Variants in ASGR2 observed in about 807,000 individuals in gnomAD.
The protein encoded by ASGR2 is C-type lectin domain family 4 member H2.
ASGR2 carries 34 observed loss-of-function variants against 32.3 expected under a neutral mutation model. The ratio of observed to expected loss-of-function variants is 1.05; its 90% confidence interval spans 0.80 to 1.40. The LOEUF (loss-of-function observed/expected upper bound fraction) is 1.40. Ranked by LOEUF, ASGR2 falls within the 40% of genes most tolerant of loss-of-function variation. The pLI, the probability that ASGR2 is intolerant of heterozygous loss-of-function variation, is 0.00. For synonymous variants in ASGR2, 143 were observed against 150.0 expected, an observed-to-expected ratio of 0.95 and a Z score of 0.34; for missense variants, 385 against 386.4, an observed-to-expected ratio of 1.00 and a Z score of 0.03.
intron 7 of ASGR2, among the ~76,000 whole-genome samples, chr17:7,102,434 C>T (rs905767932): frequency 1.3e-5 from 2 of 152,178 alleles, no homozygotes; most frequent in Non-Finnish European, 2.9e-5. Flanking sequence ...TCATTTAATC[C>T]TCAGAAGCTC....
chr17:7,101,371 G>C lies in ASGR2; in HGVS notation c.*204C>G. ...TTCCTACGCCATTGAAGAGGCTGAC[G>C]ATTATAATAATTACAATGAATTACA... On this transcript the variant is annotated 3_prime_UTR_variant, in exon 9 of 9. Coordinates refer to ENST00000691900, the MANE Select transcript of ASGR2 (RefSeq NM_001201352.2). 2 of 599,614 alleles carry C rather than the reference G, an allele frequency of 3.3e-6. No homozygotes were observed. Among genetic ancestry groups the C allele is most frequent in the East Asian group, 5.8e-5 (2 of 34,630 alleles). The allele number at this position is 599,614 out of a possible 1,614,324, so 37.1% of individuals were successfully genotyped here. A position where few individuals can be genotyped will look rare whatever the true frequency, so the allele number is the denominator to read the frequency against.
intron 2 of ASGR2, among the ~76,000 whole-genome samples, chr17:7,110,043 C>T (rs551363923): frequency 1.6e-4 from 24 of 152,240 alleles, no homozygotes; most frequent in African/African-American, 5.8e-4. Flanking sequence ...CCTATCACCC[C>T]CCGACCCAGC....
intron 7 of ASGR2, among the ~76,000 whole-genome samples, chr17:7,105,399 ATT>A (rs1913520996): frequency 5.3e-5 from 8 of 152,268 alleles, no homozygotes; most frequent in African/African-American, 1.9e-4. Context: ...CAGTTTTTGG[ATT>A]ACAGTGGCTC....
intron 7 of ASGR2, among the ~76,000 whole-genome samples, chr17:7,104,348 TAAAAAAAA>T (rs71383461): frequency 8.8e-5 from 7 of 79,824 alleles, no homozygotes; most frequent in Admixed American, 4.9e-4. Context: ...AACTCTGTCT[TAAAAAAAA>T]AAAAAAAAAA....
intron 7 of ASGR2, 54 bp from the exon 8 acceptor site, chr17:7,102,250 T>C (rs954234894): frequency 6.8e-7 from 1 of 1,463,530 alleles, no homozygotes; most frequent in Non-Finnish European, 9.6e-7. Flanking sequence ...TTCTCCTCCC[T>C]CCATGCAGGC....
In ASGR2 at chr17:7,113,305, C is replaced by CAT. The variant is rs779773040; in HGVS notation, c.124+810_124+811dup. Reference sequence around the variant, plus strand: ...ACCTCTACACACACACACACACACACATACAATCACATACACACACTAACA... The same window carrying CAT: ...ACCTCTACACACACACACACACACACATATACAATCACATACACACACTAACA... On this transcript the variant is annotated intron_variant, in intron 2 of 8. Transcript: ENST00000691900. This position sits in a 1 kb window ranked among gnomAD's most constrained non-coding sequence, Gnocchi z 5.1. 6.7e-6 allele frequency among the ~76,000 whole-genome samples: 1 copy of CAT among 150,070 alleles called. No individual in the cohort carries two copies. Among genetic ancestry groups the CAT allele is most frequent in the Non-Finnish European group, 1.5e-5 (1 of 67,562 alleles).
intron 2 of ASGR2, among the ~76,000 whole-genome samples, chr17:7,112,378 T>G (rs1914822928): frequency 6.6e-6 from 1 of 151,950 alleles, no homozygotes; most frequent in South Asian, 2.1e-4. Flanking sequence ...GTGACTTTGC[T>G]ACATCCCTTC....
intron 2 of ASGR2, among the ~76,000 whole-genome samples, chr17:7,112,631 G>A (rs1485552102): frequency 6.6e-6 from 1 of 152,160 alleles, no homozygotes; most frequent in Non-Finnish European, 1.5e-5. Flanking sequence ...ACCGCCTGGT[G>A]GGAAGTCCAG....
chr17:7,113,287 C>A lies in ASGR2; in HGVS notation c.124+830G>T, dbSNP rs1288227840. 8.3e-6 allele frequency among the ~76,000 whole-genome samples: 1 copy of A among 120,292 alleles called. No individual in the cohort carries two copies. The highest frequency in any genetic ancestry group is 1.8e-5 in the Non-Finnish European group (1 of 56,294). 78.9% of individuals were successfully genotyped at this position (120,292 alleles called of 152,430 possible). A position where few individuals can be genotyped will look rare whatever the true frequency, so the allele number is the denominator to read the frequency against. On this transcript the variant is annotated intron_variant, in intron 2 of 8. Coordinates refer to ENST00000691900, the MANE Select transcript of ASGR2 (RefSeq NM_001201352.2). The surrounding 1 kb of genome is among the most constrained non-coding windows in gnomAD (Gnocchi z 5.1). ...CCCATCCCAACTCACCCCACCTCTA[C>A]ACACACACACACACACACATACAAT...
Position 7,114,271 on chromosome 17 carries a change from G to A in ASGR2, c.-31C>T. ...GGCCCGGGCTGGAGCTGGAGCTGGA[G>A]CTGGGCTGGGCTGGGCTGAGGTTGC... On this transcript the variant is annotated 5_prime_UTR_variant, in exon 2 of 9. Coordinates refer to ENST00000691900, the MANE Select transcript of ASGR2 (RefSeq NM_001201352.2). The surrounding 1 kb of genome is among the most constrained non-coding windows in gnomAD (Gnocchi z 4.5). The A allele has an allele frequency of 6.2e-7, 1 of 1,610,198 alleles. No homozygotes were observed.
In ASGR2 at chr17:7,107,446, CCA is replaced by C. The variant is rs920307492; in HGVS notation, c.410-131_410-130del. On this transcript the variant is annotated intron_variant, in intron 5 of 8. Coordinates refer to ENST00000691900, the MANE Select transcript of ASGR2 (RefSeq NM_001201352.2). The surrounding 1 kb of genome is among the most constrained non-coding windows in gnomAD (Gnocchi z 5.0). The stretch of plus-strand genomic sequence containing the variant: ...TGCATAGACCACACCACACACCATA[CCA>C]CACACACACCACAGACATGTACACC... 20 of 876,190 alleles carry C rather than the reference CCA, an allele frequency of 2.3e-5. No individual in the cohort carries two copies. The highest frequency in any genetic ancestry group is 3.3e-5 in the African/African-American group (2 of 60,406). The allele number at this position is 876,190 out of a possible 1,614,324, so 54.3% of individuals were successfully genotyped here.
upstream of ASGR2, chr17:7,114,898 C>T (rs1915275821): frequency 2.0e-6 from 2 of 985,340 alleles, no homozygotes; most frequent in Non-Finnish European, 2.4e-6. The surrounding 1 kb of genome is among the most constrained non-coding windows in gnomAD (Gnocchi z 4.5). Flanking sequence ...GTTCTTATTC[C>T]CAGAGAGGGG....
At position 7,114,686 on chromosome 17, in the gene ASGR2, G is replaced by T. The variant is rs117563700; in HGVS notation, c.-142C>A. 0.01 allele frequency: 10,576 copies of T among 1,021,202 alleles called. 60 individuals are homozygous for T. The highest frequency in any genetic ancestry group is 0.012 in the Non-Finnish European group (9,846 of 851,094). 63.3% of individuals were successfully genotyped at this position (1,021,202 alleles called of 1,614,324 possible). A position where few individuals can be genotyped will look rare whatever the true frequency, so the allele number is the denominator to read the frequency against. On this transcript the variant is annotated 5_prime_UTR_variant, in exon 1 of 9. Transcript: ENST00000691900. This position sits in a 1 kb window ranked among gnomAD's most constrained non-coding sequence, Gnocchi z 4.5. ...TGGCCTTGGCCAAGGAGGGGTTAAA[G>T]CCAGGAGAACTGGGGCAGGTGGAGC...
rs1913815193 is a variant in ASGR2 at position 7,107,054 on chromosome 17, C to T, written c.594G>A (p.Lys198=). 1.2e-6 allele frequency: 2 copies of T among 1,614,186 alleles called. No individual in the cohort carries two copies. Among genetic ancestry groups the T allele is most frequent in the Non-Finnish European group, 1.7e-6 (2 of 1,180,024 alleles). ...GGTGTGCGTTCTCCAGCTGGCAGTA[C>T]TTCTCCGCCTCAGCCCAGGCCTTCC... ...HSGKAWAEAE[K]YCQLENAHLV... The change falls in exon 7 of 9, where the codon AAG becomes AAA. Residue 198 remains lysine (K), a synonymous_variant. Coordinates refer to ENST00000691900, the MANE Select transcript of ASGR2 (RefSeq NM_001201352.2). This position sits in a 1 kb window ranked among gnomAD's most constrained non-coding sequence, Gnocchi z 5.0.
rs1913920921 is a variant in ASGR2, at chr17:7,107,491, C to T, written c.410-174G>A. Reference sequence around the variant, plus strand: ...TGTACACCACACATAGACCACACCACACACAGATCCATCACACACACACAA... The same window carrying T: ...TGTACACCACACATAGACCACACCATACACAGATCCATCACACACACACAA... On this transcript the variant is annotated intron_variant, in intron 5 of 8. Transcript: ENST00000691900. The surrounding 1 kb of genome is among the most constrained non-coding windows in gnomAD (Gnocchi z 5.0). The T allele has an allele frequency of 1.5e-6, 1 of 686,104 alleles. No individual in the cohort carries two copies. The highest frequency in any genetic ancestry group is 2.5e-6 in the Non-Finnish European group (1 of 398,530). The allele number at this position is 686,104 out of a possible 1,614,324, so 42.5% of individuals were successfully genotyped here. A position where few individuals can be genotyped will look rare whatever the true frequency, so the allele number is the denominator to read the frequency against.
At chr17:7,103,377 G>A (rs910282457) in intron 7 of ASGR2, among the ~76,000 whole-genome samples, 17 of 152,222 alleles carry the variant, frequency 1.1e-4, no homozygotes, top group African/African-American at 4.1e-4. Flanking sequence ...AGTCAACGGA[G>A]TTGGAGAGAA....
intron 7 of ASGR2, among the ~76,000 whole-genome samples, chr17:7,106,774 C>A (rs1244269057): frequency 6.6e-6 from 1 of 151,980 alleles, no homozygotes; most frequent in Non-Finnish European, 1.5e-5. Flanking sequence ...CATGGTGGCA[C>A]GTGCCTGTAA....
chr17:7,107,508 C>T lies in ASGR2; in HGVS notation c.410-191G>A. The T allele has an allele frequency of 1.5e-6, 1 of 654,862 alleles. No individual in the cohort carries two copies. Among genetic ancestry groups the T allele is most frequent in the Non-Finnish European group, 2.7e-6 (1 of 374,424 alleles). 40.6% of individuals were successfully genotyped at this position (654,862 alleles called of 1,614,324 possible). On this transcript the variant is annotated intron_variant, in intron 5 of 8. Coordinates refer to ENST00000691900, the MANE Select transcript of ASGR2 (RefSeq NM_001201352.2). The surrounding 1 kb of genome is among the most constrained non-coding windows in gnomAD (Gnocchi z 5.0). The stretch of plus-strand genomic sequence containing the variant: ...CCACACCACACACAGATCCATCACA[C>T]ACACACAAACACACCAAGAGACACA...
At chr17:7,106,058 A>G (rs1202438424) in intron 7 of ASGR2, among the ~76,000 whole-genome samples, 1 of 152,176 alleles carries the variant, frequency 6.6e-6, no homozygotes, top group Non-Finnish European at 1.5e-5. Context: ...AAGTGCTGGG[A>G]TTACAGGCGT....
Sources: gnomAD v4.1 joint callset for allele counts (sites outside exome capture counted in the v4.1 genomes callset) on GRCh38, gnomAD v4.1.1 for gene constraint, Gnocchi (gnomAD v3.1) non-coding constraint, MANE v1.5 for transcripts, NCBI Gene and HGNC (gene_info 2026-07-23, HGNC 2026-07-21) for gene names.